The following WEE2 variants were observed in gnomAD, a reference collection of about 807,000 sequenced individuals.
WEE2 encodes wee1-like protein kinase 2.
Under a neutral mutation model 60.1 loss-of-function variants are expected in WEE2, and 50 were observed. That is an observed-to-expected ratio of 0.83 (90% confidence interval 0.66 to 1.05). The LOEUF (loss-of-function observed/expected upper bound fraction) is 1.05, where lower values mean the gene tolerates loss of function less well. Among genes scored for constraint, WEE2 ranks in the 50% least tolerant of loss-of-function variants. The pLI, the probability that WEE2 is intolerant of heterozygous loss-of-function variation, is 0.00. For missense variants in WEE2, 631 were observed against 684.3 expected, an observed-to-expected ratio of 0.92 and a Z score of 0.87; for synonymous variants, 240 against 241.0, an observed-to-expected ratio of 1.00 and a Z score of 0.04.
chr7:141,730,424 A>G lies in WEE2; in HGVS notation c.*104A>G. The G allele has an allele frequency of 2.7e-6, 3 of 1,092,160 alleles. No individual in the cohort carries two copies. The highest frequency in any genetic ancestry group is 2.5e-5 in the East Asian group (1 of 39,794). The allele number at this position is 1,092,160 out of a possible 1,614,324, so 67.7% of individuals were successfully genotyped here. On this transcript the variant is annotated 3_prime_UTR_variant, in exon 12 of 12. Coordinates refer to ENST00000397541, the MANE Select transcript of WEE2 (RefSeq NM_001105558.1). Reference sequence around the variant, plus strand: ...AGGGACTCGTTGTACATAGAAAGGAATAGAATTTAGTTTAGAGTTGAAGTC... The same window carrying G: ...AGGGACTCGTTGTACATAGAAAGGAGTAGAATTTAGTTTAGAGTTGAAGTC...
intron 5 of WEE2, 95 bp from the exon 6 acceptor site, chr7:141,723,039 C>G: frequency 6.6e-7 from 1 of 1,506,068 alleles, no homozygotes; most frequent in South Asian, 1.3e-5. Context: ...GGTCCTGGAA[C>G]TAATACCCTG....
chr7:141,708,981 G>C lies in WEE2; in HGVS notation c.223G>C (p.Glu75Gln), dbSNP rs1798667500. Residue 75 changes from glutamate to glutamine, a missense_variant, in exon 1 of 12, where the codon GAA (glutamate) becomes CAA (glutamine). By Grantham distance (29) the Glu-to-Gln change is conservative. Transcript: ENST00000397541. Reference sequence around the variant, plus strand: ...CGACACATCTTCGGAAAAAGACAAAGAAAGTCCAGATCAGATTTTGAGGAC... The same window carrying C: ...CGACACATCTTCGGAAAAAGACAAACAAAGTCCAGATCAGATTTTGAGGAC... ...ELDTSSEKDK[E>Q]SPDQILRTPV... is the part of the protein sequence containing the mutation. 4 of 1,613,834 alleles carry C rather than the reference G, an allele frequency of 2.5e-6. No homozygotes were observed. Among genetic ancestry groups the C allele is most frequent in the Non-Finnish European group, 3.4e-6 (4 of 1,179,908 alleles).
chr7:141,720,985 C>A lies in WEE2; in HGVS notation c.809C>A (p.Pro270His), dbSNP rs1431594870. ...GCTCACGCAGTGCTTGGGCATCACCCCCATGTGGTACGTTACTATTCCTCA... is the reference window on the plus strand; with the variant it reads ...GCTCACGCAGTGCTTGGGCATCACCACCATGTGGTACGTTACTATTCCTCA... The part of the protein sequence containing the change: ...VYAHAVLGHH[P>H]HVVRYYSSWA... The change falls in exon 5 of 12, where the codon CCC becomes CAC. Residue 270 changes from proline (P) to histidine (H), a missense_variant. By Grantham distance (77) the Pro-to-His change is moderately conservative (BLOSUM62 -2). Transcript: ENST00000397541. 1 of 1,614,112 alleles carries A rather than the reference C, an allele frequency of 6.2e-7. No homozygotes were observed. The highest frequency in any genetic ancestry group is 8.5e-7 in the Non-Finnish European group (1 of 1,179,970).
chr7:141,713,355 C>T (rs957615927), intron 1 of WEE2, among the ~76,000 whole-genome samples: 1 of 152,168 alleles, frequency 6.6e-6, no homozygotes, highest in Non-Finnish European at 1.5e-5. Context: ...ATCCATAACA[C>T]AGCTACTCCT....
intron 8 of WEE2, 140 bp from the exon 9 acceptor site, chr7:141,724,886 A>G: frequency 3.1e-6 from 3 of 952,970 alleles, no homozygotes; most frequent in Non-Finnish European, 4.7e-6. Context: ...GAAATCACTA[A>G]CTACAGCGAA....
At chr7:141,722,008 T>TC (rs568325301) in intron 5 of WEE2, among the ~76,000 whole-genome samples, 161 of 152,258 alleles carry the variant, frequency 1.1e-3, no homozygotes, top group African/African-American at 3.4e-3. Context: ...TCCCTCAAAT[T>TC]CCATGACTAT....
chr7:141,720,430 A>T (rs1170424968), intron 4 of WEE2, among the ~76,000 whole-genome samples: 1 of 152,172 alleles, frequency 6.6e-6, no homozygotes, highest in African/African-American at 2.4e-5. Flanking sequence ...TCCTGTGAGT[A>T]TATCATATTG....
chr7:141,710,280 A>T (rs1474825584), intron 1 of WEE2, among the ~76,000 whole-genome samples: 1 of 152,224 alleles, frequency 6.6e-6, no homozygotes, highest in African/African-American at 2.4e-5. Flanking sequence ...CGCTGGACAG[A>T]TTCTCAGTGT....
intron 5 of WEE2, among the ~76,000 whole-genome samples, chr7:141,722,700 A>G (rs1293645770): frequency 6.6e-6 from 1 of 152,360 alleles, no homozygotes; most frequent in East Asian, 1.9e-4. Flanking sequence ...CTAATCATTG[A>G]CACCAATAGT....
chr7:141,724,856 T>A (rs191468718), intron 8 of WEE2, among the ~76,000 whole-genome samples, 170 bp from the exon 9 acceptor site: 95 of 152,344 alleles, frequency 6.2e-4, no homozygotes, highest in Admixed American at 1.2e-3. Flanking sequence ...ATCAGGTAGA[T>A]TCGTGTTCTC....
At chr7:141,714,073 C>G in intron 1 of WEE2, 136 bp from the exon 2 acceptor site, 2 of 651,968 alleles carry the variant, frequency 3.1e-6, no homozygotes, top group Non-Finnish European at 5.2e-6. Context: ...TACAATGCAA[C>G]CAGTTCACAT....
At chr7:141,725,991 G>C (rs558348224) in intron 9 of WEE2, among the ~76,000 whole-genome samples, 34 of 152,302 alleles carry the variant, frequency 2.2e-4, no homozygotes, top group Admixed American at 2.0e-3. Flanking sequence ...CTACTTTATT[G>C]ATAATTGATA....
chr7:141,709,075 C>G lies in WEE2; in HGVS notation c.317C>G (p.Pro106Arg). 1 of 1,613,750 alleles carries G rather than the reference C, an allele frequency of 6.2e-7. No individual in the cohort carries two copies. Residue 106 changes from proline to arginine, a missense_variant, in exon 1 of 12, where the codon CCC becomes CGC. Coordinates refer to ENST00000397541, the MANE Select transcript of WEE2 (RefSeq NM_001105558.1). ...CCAGACAGCAGGAGCAAGCTGCTGC[C>G]CAGTGACAGCCCCTCTACTCCCAAA... ...AQPDSRSKLL[P>R]SDSPSTPKTM...
intron 6 of WEE2, 39 bp downstream of exon 6, chr7:141,723,319 G>A (rs773817570): frequency 6.2e-7 from 1 of 1,602,010 alleles, no homozygotes; most frequent in East Asian, 2.2e-5. Context: ...ACCGTATTTT[G>A]TTCTTTCTAT....
chr7:141,714,443 C>A (rs1285473883), intron 2 of WEE2, 38 bp downstream of exon 2: 1 of 1,477,840 alleles, frequency 6.8e-7, no homozygotes, highest in Non-Finnish European at 9.2e-7. Flanking sequence ...GAGAACTGAC[C>A]CTACTACAGT....
intron 6 of WEE2, among the ~76,000 whole-genome samples, 173 bp downstream of exon 6, chr7:141,723,453 G>A (rs1261446806): frequency 6.6e-6 from 1 of 151,968 alleles, no homozygotes; most frequent in Non-Finnish European, 1.5e-5. Flanking sequence ...TTCTCCCCTA[G>A]GCCCAACAGA....
chr7:141,720,397 G>A (rs1447273508), intron 4 of WEE2, among the ~76,000 whole-genome samples: 1 of 151,918 alleles, frequency 6.6e-6, no homozygotes, highest in Non-Finnish European at 1.5e-5. Flanking sequence ...TATTCCATAA[G>A]GAATATCTCT....
At chr7:141,716,324 C>A in intron 3 of WEE2, 57 bp downstream of exon 3, 11 of 1,517,696 alleles carry the variant, frequency 7.2e-6, no homozygotes, top group Non-Finnish European at 1.0e-5. Context: ...CCTATTCTTT[C>A]TCTTCTTCCC....
At position 141,730,458 on chromosome 7, in the gene WEE2, C is replaced by T; in HGVS notation, c.*138C>T. ...AGTTTAGAGTTGAAGTCACAGCTTACAGAAAATGTGCCTGGATTTCCACAG... is the reference window on the plus strand; with the variant it reads ...AGTTTAGAGTTGAAGTCACAGCTTATAGAAAATGTGCCTGGATTTCCACAG... On this transcript the variant is annotated 3_prime_UTR_variant, in exon 12 of 12. Transcript: ENST00000397541. 5.6e-6 allele frequency: 4 copies of T among 718,616 alleles called. No individual in the cohort carries two copies. The highest frequency in any genetic ancestry group is 2.0e-5 in the South Asian group (1 of 49,702). 44.5% of individuals were successfully genotyped at this position (718,616 alleles called of 1,614,324 possible).
Sources: gnomAD v4.1 joint callset for allele counts (sites outside exome capture counted in the v4.1 genomes callset) on GRCh38, gnomAD v4.1.1 for gene constraint, MANE v1.5 for transcripts, NCBI Gene and HGNC (gene_info 2026-07-23, HGNC 2026-07-21) for gene names.